FHOD3: variants seen among roughly 807,000 people sequenced by gnomAD.
FHOD3 encodes FH1/FH2 domain-containing protein 3.
A neutral mutation model predicts 173.0 loss-of-function variants in FHOD3; 90 were observed. The ratio of observed to expected loss-of-function variants is 0.52; its 90% CI spans 0.44 to 0.62. The LOEUF is 0.62. Among genes scored for constraint, FHOD3 ranks in the 20% least tolerant of loss-of-function variants. The pLI is 0.00. For synonymous variants in FHOD3, 828 were observed against 823.0 expected (o/e 1.01, Z -0.10); for missense variants, 1,945 against 2,034.7 (o/e 0.96, Z 0.85).
intron 3 of FHOD3, among the ~76,000 whole-genome samples, chr18:36,398,238 A>G (rs752918771): frequency 1.8e-4 from 27 of 152,262 alleles, no homozygotes; most frequent in Non-Finnish European, 5.9e-5. Context: ...AATGAAAACA[A>G]TTCAGTGCTA....
chr18:36,670,604 A>G (rs552966967), intron 14 of FHOD3, among the ~76,000 whole-genome samples: 1 of 152,312 alleles, frequency 6.6e-6, no homozygotes, highest in South Asian at 2.1e-4. Flanking sequence ...GACTATAGTC[A>G]TAACTGTTTT....
intron 6 of FHOD3, among the ~76,000 whole-genome samples, chr18:36,591,330 C>A (rs2059208980): frequency 6.6e-6 from 1 of 152,156 alleles, no homozygotes; most frequent in African/African-American, 2.4e-5. Flanking sequence ...GAATGGCAGC[C>A]CAGGGCATGA....
At chr18:36,678,052 A>G (rs1438841087) in intron 14 of FHOD3, among the ~76,000 whole-genome samples, 1 of 151,852 alleles carries the variant, frequency 6.6e-6, no homozygotes, top group East Asian at 1.9e-4. Flanking sequence ...AAAATAACAT[A>G]GGTTTTCTTG....
At chr18:36,506,363 A>C (rs2055298328) in intron 4 of FHOD3, among the ~76,000 whole-genome samples, 1 of 152,262 alleles carries the variant, frequency 6.6e-6, no homozygotes, top group Non-Finnish European at 1.5e-5. Context: ...CCAACACTGG[A>C]AACACAGTGA....
At chr18:36,708,428 G>T (rs915160880) in intron 17 of FHOD3, among the ~76,000 whole-genome samples, 1 of 152,128 alleles carries the variant, frequency 6.6e-6, no homozygotes, top group Non-Finnish European at 1.5e-5. Flanking sequence ...TATTAGTTTC[G>T]TATTGCTGTG....
intron 7 of FHOD3, among the ~76,000 whole-genome samples, chr18:36,598,719 T>C (rs2030887585): frequency 6.6e-6 from 1 of 152,052 alleles, no homozygotes; most frequent in East Asian, 1.9e-4. Context: ...CTGGCTAATT[T>C]TTTGTATTTT....
At chr18:36,767,837 T>C (rs1040213575) in intron 27 of FHOD3, among the ~76,000 whole-genome samples, 6 of 152,128 alleles carry the variant, frequency 3.9e-5, no homozygotes, top group African/African-American at 1.4e-4. Flanking sequence ...CACACACACA[T>C]ATATATGAAA....
intron 5 of FHOD3, among the ~76,000 whole-genome samples, chr18:36,518,788 C>G (rs752344378): frequency 7.2e-5 from 11 of 152,170 alleles, no homozygotes; most frequent in Non-Finnish European, 1.3e-4. Context: ...ATGCAATCAC[C>G]ACGTGGTGTT....
rs2092067684 is a variant in FHOD3 at position 36,305,483 on chromosome 18, A to T, written c.165+7483A>T. 5.3e-5 allele frequency among the ~76,000 whole-genome samples: 8 copies of T among 152,242 alleles called. 1 individual carries two copies. The South Asian group carries it at 1.7e-3, about 32-fold the overall frequency. ...CGTTCTTGAAGAAGAGAAAACCAAG[A>T]AGGAAACTCCTGTGGTGCTGAGGTG... is the stretch of plus-strand genomic sequence containing the variant. On this transcript the variant is annotated intron_variant, in intron 1 of 28. Transcript: ENST00000590592.
intron 3 of FHOD3, among the ~76,000 whole-genome samples, chr18:36,472,604 C>T (rs572081715): frequency 2.8e-4 from 43 of 152,324 alleles, no homozygotes; most frequent in Non-Finnish European, 4.9e-4. Flanking sequence ...AGCCACTGAT[C>T]TACTTCTGTC....
chr18:36,625,329 C>T (rs1251592170), intron 9 of FHOD3, among the ~76,000 whole-genome samples, 182 bp from the exon 10 acceptor site: 2 of 152,224 alleles, frequency 1.3e-5, no homozygotes, highest in Non-Finnish European at 2.9e-5. Context: ...TCTTCCAGTG[C>T]CCAGGCTGTG....
intron 3 of FHOD3, among the ~76,000 whole-genome samples, chr18:36,466,114 C>T (rs904142919): frequency 6.6e-6 from 1 of 152,178 alleles, no homozygotes; most frequent in African/African-American, 2.4e-5. Context: ...ATGTTACTCT[C>T]CTGCAGAGAG....
At chr18:36,610,423 G>C (rs780518966) in intron 8 of FHOD3, among the ~76,000 whole-genome samples, 1 of 152,242 alleles carries the variant, frequency 6.6e-6, no homozygotes, top group South Asian at 2.1e-4. Context: ...AGTGCGATGT[G>C]GTTAGCCTGG....
rs113840430 is a variant in FHOD3 at position 36,490,659 on chromosome 18, T to A, written c.338-11273T>A. Reference sequence around the variant, plus strand: ...CCTTTCTGGGTTTCAGCTCCTGCAATACTGGGCTGTCCTCTTTGTTGACAA... The same window carrying A: ...CCTTTCTGGGTTTCAGCTCCTGCAAAACTGGGCTGTCCTCTTTGTTGACAA... On this transcript the variant is annotated intron_variant, in intron 3 of 28. Coordinates refer to ENST00000590592, the MANE Select transcript of FHOD3 (RefSeq NM_001281740.3). 8.5e-3 allele frequency among the ~76,000 whole-genome samples: 1,288 copies of A among 152,316 alleles called. 14 individuals carry two copies. Among genetic ancestry groups the A allele is most frequent in the Non-Finnish European group, 0.012 (821 of 68,012 alleles).
intron 2 of FHOD3, 71 bp from the exon 3 acceptor site, chr18:36,372,609 G>T: frequency 1.5e-6 from 2 of 1,326,746 alleles, no homozygotes; most frequent in Non-Finnish European, 2.1e-6. Context: ...GAACCTTCAC[G>T]TGGATTGACA....
intron 3 of FHOD3, among the ~76,000 whole-genome samples, chr18:36,375,818 T>G (rs939753748): frequency 6.6e-6 from 1 of 152,158 alleles, no homozygotes; most frequent in African/African-American, 2.4e-5. Flanking sequence ...GATTTTGGTA[T>G]AGAGAGAGGC....
rs186257515 is a variant in FHOD3, at chr18:36,499,458, T to C, written c.338-2474T>C. Among the ~76,000 whole-genome samples, 748 of 152,344 alleles carry C rather than the reference T, an allele frequency of 4.9e-3. 8 individuals carry two copies. Among genetic ancestry groups the C allele is most frequent in the African/African-American group, 0.018 (732 of 41,580 alleles). On this transcript the variant is annotated intron_variant, in intron 3 of 28. Coordinates refer to ENST00000590592, the MANE Select transcript of FHOD3 (RefSeq NM_001281740.3). ...GGCTCTTTTCTACTGATGTTCTTCCTGGATAGGATAAATCTGGTCCACTTC... is the reference window on the plus strand; with the variant it reads ...GGCTCTTTTCTACTGATGTTCTTCCCGGATAGGATAAATCTGGTCCACTTC...
At chr18:36,717,718 A>G (rs967067466) in intron 18 of FHOD3, 114 bp from the exon 19 acceptor site, 1 of 1,462,978 alleles carries the variant, frequency 6.8e-7, no homozygotes, top group Non-Finnish European at 9.0e-7. Flanking sequence ...CTGCTCATGC[A>G]GTGTCTTCTC....
chr18:36,459,228 G>T (rs1397708009), intron 3 of FHOD3, among the ~76,000 whole-genome samples: 2 of 152,212 alleles, frequency 1.3e-5, no homozygotes, highest in African/African-American at 4.8e-5. Flanking sequence ...TGAGAAAGAG[G>T]AGCTTGCAGT....
Sources: allele counts gnomAD v4.1 joint callset (sites outside exome capture counted in the v4.1 genomes callset), GRCh38; gene constraint gnomAD v4.1.1; transcripts MANE v1.5; gene names NCBI Gene and HGNC (gene_info 2026-07-23, HGNC 2026-07-21).